The following SINHCAF variants were observed in gnomAD, a reference collection of about 807,000 sequenced individuals.
SINHCAF encodes SIN3-HDAC complex-associated factor.
Under a neutral mutation model 25.8 loss-of-function variants are expected in SINHCAF, and 3 were observed. The observed-to-expected ratio is 0.12, with a 90% CI of 0.05 to 0.30. The LOEUF (loss-of-function observed/expected upper bound fraction) is 0.30. Ranked by LOEUF, SINHCAF falls within the 10% of genes least tolerant of loss-of-function variation. The probability of loss-of-function intolerance (pLI) is 1.00; values close to 1 mark genes in which losing one functional copy is unlikely to be tolerated. For synonymous variants in SINHCAF, 70 were observed against 85.5 expected (o/e 0.82, Z 1.00); for missense variants, 121 against 262.3 (o/e 0.46, Z 3.72).
intron 1 of SINHCAF, among the ~76,000 whole-genome samples, chr12:31,321,372 C>A (rs1939686815): frequency 6.6e-6 from 1 of 152,154 alleles, no homozygotes; most frequent in Non-Finnish European, 1.5e-5. Flanking sequence ...AGTGTCTTCC[C>A]AGAACTGCTT....
In SINHCAF at chr12:31,324,226, G is replaced by T. The variant is rs1939850378; in HGVS notation, c.-21+1798C>A. ...CGCGCCTCCCGCACGCCGCGCTGCC[G>T]GGGCTTGTTCCTCCTCATGGCTTTG... On this transcript the variant is annotated intron_variant, in intron 1 of 5. Transcript: ENST00000337682. The surrounding 1 kb of genome is among the most constrained non-coding windows in gnomAD (Gnocchi z 5.5). The T allele has an allele frequency of 4.9e-6, 1 of 204,602 alleles. No individual in the cohort carries two copies. The highest frequency in any genetic ancestry group is 8.2e-5 in the South Asian group (1 of 12,224). 12.7% of individuals were successfully genotyped at this position (204,602 alleles called of 1,614,324 possible). A position where few individuals can be genotyped will look rare whatever the true frequency, so the allele number is the denominator to read the frequency against.
chr12:31,306,896 G>T (rs1388120257), intron 1 of SINHCAF, among the ~76,000 whole-genome samples: 1 of 152,146 alleles, frequency 6.6e-6, no homozygotes, highest in African/African-American at 2.4e-5. Context: ...TCAGCCAGTT[G>T]GGCTGACTTA....
intron 1 of SINHCAF, among the ~76,000 whole-genome samples, chr12:31,305,900 A>T (rs1455653633): frequency 6.6e-6 from 1 of 152,056 alleles, no homozygotes; most frequent in Non-Finnish European, 1.5e-5. Context: ...GGATTTCACC[A>T]TGTTAGCCAG....
chr12:31,317,451 A>G (rs895468631), intron 1 of SINHCAF, among the ~76,000 whole-genome samples: 2 of 152,226 alleles, frequency 1.3e-5, no homozygotes, highest in African/African-American at 4.8e-5. Flanking sequence ...CTTTAAAGCA[A>G]GTTGAACAGT....
intron 1 of SINHCAF, chr12:31,302,918 TTAA>T: frequency 1.0e-6 from 1 of 985,104 alleles, no homozygotes; most frequent in Non-Finnish European, 1.2e-6. Flanking sequence ...TCAGCCTTAG[TTAA>T]TAGGCCATGG....
chr12:31,283,927 G>A (rs1555110572), intron 5 of SINHCAF, among the ~76,000 whole-genome samples: 1 of 149,970 alleles, frequency 6.7e-6, no homozygotes, highest in Non-Finnish European at 1.5e-5. Context: ...TTTAGTCAAC[G>A]TTGAGATCCA....
rs1007274277 is a variant in SINHCAF at position 31,282,308 on chromosome 12, A to G, written c.*404T>C. 2.6e-5 allele frequency: 4 copies of G among 156,394 alleles called. No homozygotes were observed. The highest frequency in any genetic ancestry group is 9.6e-5 in the African/African-American group (4 of 41,540). 9.7% of individuals were successfully genotyped at this position (156,394 alleles called of 1,614,324 possible). A position where few individuals can be genotyped will look rare whatever the true frequency, so the allele number is the denominator to read the frequency against. On this transcript the variant is annotated 3_prime_UTR_variant, in exon 6 of 6. Coordinates refer to ENST00000337682, the MANE Select transcript of SINHCAF (RefSeq NM_001135812.2). ...TACAACTCTTTTTTTAGTAAGCTAG[A>G]CACTGGCTTCAGAGTTTGTGGGAGT... is the stretch of plus-strand genomic sequence containing the variant.
intron 5 of SINHCAF, among the ~76,000 whole-genome samples, chr12:31,286,108 C>A (rs1938053134): frequency 1.3e-5 from 2 of 152,016 alleles, no homozygotes; most frequent in Non-Finnish European, 2.9e-5. Context: ...TTGGTTAGAA[C>A]CTTCTGTATA....
rs1939863581 is a variant in SINHCAF, at chr12:31,324,459, G to C, written c.-21+1565C>G. On this transcript the variant is annotated intron_variant, in intron 1 of 5. Coordinates refer to ENST00000337682, the MANE Select transcript of SINHCAF (RefSeq NM_001135812.2). The surrounding 1 kb of genome is among the most constrained non-coding windows in gnomAD (Gnocchi z 5.5). ...TCGCCCGCCCGCACGCCCGGAGCGG[G>C]GAAGCACGCCGCCTCCCTACGCACC... 1 of 160,374 alleles carries C rather than the reference G, an allele frequency of 6.2e-6. No homozygotes were observed. The highest frequency in any genetic ancestry group is 2.4e-5 in the African/African-American group (1 of 41,476). The allele number at this position is 160,374 out of a possible 1,614,324, so 9.9% of individuals were successfully genotyped here.
chr12:31,323,557 G>A (rs1224773136), intron 1 of SINHCAF, among the ~76,000 whole-genome samples: 4 of 152,150 alleles, frequency 2.6e-5, no homozygotes, highest in African/African-American at 9.7e-5. Context: ...AGTGCCTGAA[G>A]TAATGGAAGG....
At chr12:31,301,603 A>T (rs1024744863) in intron 1 of SINHCAF, among the ~76,000 whole-genome samples, 27 of 152,348 alleles carry the variant, frequency 1.8e-4, no homozygotes, top group Admixed American at 8.5e-4. Flanking sequence ...GGGAATCTGC[A>T]GCAAATACAC....
chr12:31,287,597 T>C, intron 5 of SINHCAF, 37 bp downstream of exon 5: 1 of 1,488,856 alleles, frequency 6.7e-7, no homozygotes, highest in Non-Finnish European at 9.1e-7. Context: ...ATAATTAAGA[T>C]GGTTTGCTGG....
chr12:31,308,297 G>T (rs1939118262), intron 1 of SINHCAF, among the ~76,000 whole-genome samples: 2 of 152,090 alleles, frequency 1.3e-5, no homozygotes, highest in South Asian at 4.1e-4. Context: ...TCCACATGAT[G>T]GGATCAGGCT....
intron 1 of SINHCAF, among the ~76,000 whole-genome samples, chr12:31,300,535 A>G (rs897905246): frequency 3.3e-5 from 5 of 152,234 alleles, no homozygotes; most frequent in African/African-American, 9.6e-5. Flanking sequence ...CTACACAGTC[A>G]TAAGAAAAGA....
chr12:31,317,612 G>A (rs1939542302), intron 1 of SINHCAF, among the ~76,000 whole-genome samples: 1 of 151,220 alleles, frequency 6.6e-6, no homozygotes, highest in African/African-American at 2.4e-5. Context: ...ACTACCTCCT[G>A]CTTTTTTTTT....
chr12:31,306,917 G>C (rs2137112350), intron 1 of SINHCAF, among the ~76,000 whole-genome samples: 1 of 152,306 alleles, frequency 6.6e-6, no homozygotes, highest in Non-Finnish European at 1.5e-5. Flanking sequence ...GCCTGAAGAA[G>C]ACCAGCTTCA....
Position 31,324,961 on chromosome 12 carries a change from T to A in SINHCAF, c.-21+1063A>T, listed in dbSNP as rs1410645880. The A allele has an allele frequency of 4.4e-6, 2 of 456,444 alleles. No homozygotes were observed. Among genetic ancestry groups the A allele is most frequent in the Admixed American group, 2.4e-5 (1 of 42,550 alleles). The allele number at this position is 456,444 out of a possible 1,614,324, so 28.3% of individuals were successfully genotyped here. On this transcript the variant is annotated intron_variant, in intron 1 of 5. Transcript: ENST00000337682. This position sits in a 1 kb window ranked among gnomAD's most constrained non-coding sequence, Gnocchi z 5.5. ...ACCACATTGTCCTGCCGGCCGGACC[T>A]GCCCGACGGCGGCCGCATCCCACGG...
chr12:31,311,284 T>TA (rs1939258724), intron 1 of SINHCAF, among the ~76,000 whole-genome samples: 1 of 152,176 alleles, frequency 6.6e-6, no homozygotes, highest in African/African-American at 2.4e-5. Flanking sequence ...CAAGATCTGT[T>TA]AGGGGATCCA....
chr12:31,315,650 A>T (rs1939467980), intron 1 of SINHCAF, among the ~76,000 whole-genome samples: 1 of 152,220 alleles, frequency 6.6e-6, no homozygotes, highest in African/African-American at 2.4e-5. Context: ...CTGTTTTTGC[A>T]ATATACACAC....
Sources: allele counts gnomAD v4.1 joint callset (sites outside exome capture counted in the v4.1 genomes callset), GRCh38; gene constraint gnomAD v4.1.1; non-coding constraint Gnocchi (gnomAD v3.1); transcripts MANE v1.5; gene names NCBI Gene and HGNC (gene_info 2026-07-23, HGNC 2026-07-21).